The following ADPRS variants were observed in gnomAD, a reference collection of about 807,000 sequenced individuals.
The protein encoded by ADPRS is ADP-ribosylhydrolase ARH3.
In ADPRS, 25 loss-of-function variants were observed where a neutral mutation model predicts 32.1. That is an observed-to-expected ratio of 0.78 (90% CI 0.57 to 1.09). The LOEUF is 1.09. Ranked by LOEUF, ADPRS falls within the 50% of genes least tolerant of loss-of-function variation. The probability of loss-of-function intolerance (pLI) is 0.00; values close to 1 mark genes in which losing one functional copy is unlikely to be tolerated. For missense variants in ADPRS, 482 were observed against 480.6 expected, an observed-to-expected ratio of 1.00 and a Z score of -0.03; for synonymous variants, 225 against 201.0, an observed-to-expected ratio of 1.12 and a Z score of -1.01.
In ADPRS at chr1:36,093,122, G is replaced by A. The variant is rs577645269; in HGVS notation, c.828G>A (p.Ser276=). 8.7e-6 allele frequency: 14 copies of A among 1,614,090 alleles called. No individual in the cohort carries two copies. The highest frequency in any genetic ancestry group is 8.0e-5 in the African/African-American group (6 of 75,062). The stretch of plus-strand genomic sequence containing the variant: ...GGAATGGCATTGCTGCCTTTGAGTC[G>A]GTACCCACCGCCATCTACTGCTTCC... The part of the protein sequence containing the change: ...ELGNGIAAFE[S]VPTAIYCFLR... Residue 276 remains serine (S), a synonymous_variant, in exon 6 of 6, where the codon TCG becomes TCA. Coordinates refer to ENST00000373178, the MANE Select transcript of ADPRS (RefSeq NM_017825.3).
Position 36,093,371 on chromosome 1 carries a change from C to T in ADPRS, c.1077C>T (p.Val359=), listed in dbSNP as rs145383937. ...TCCTGGCCCAAAGCCTGCACCGTGT[C>T]TTCCAGAAGAGTTGATGAGGGCTAC... ...TDILAQSLHR[V]FQKS is the part of the protein sequence containing the mutation. The change falls in exon 6 of 6, where the codon GTC becomes GTT. Residue 359 remains valine (V), a synonymous_variant. Coordinates refer to ENST00000373178, the MANE Select transcript of ADPRS (RefSeq NM_017825.3). The T allele has an allele frequency of 6.8e-6, 11 of 1,613,098 alleles. No homozygotes were observed. In the African/African-American group the frequency reaches 1.5e-4, roughly 22 times the overall value.
chr1:36,093,536 G>T lies in ADPRS; in HGVS notation c.*150G>T. 1.9e-6 allele frequency: 2 copies of T among 1,063,816 alleles called. No individual in the cohort carries two copies. The highest frequency in any genetic ancestry group is 1.3e-6 in the Non-Finnish European group (1 of 754,420). 65.9% of individuals were successfully genotyped at this position (1,063,816 alleles called of 1,614,324 possible). A position where few individuals can be genotyped will look rare whatever the true frequency, so the allele number is the denominator to read the frequency against. ...ACCGGTGAGGCTGGGGTCTCTGCAGGGGAGGTCACTGGAACAGCGAGCAAG... is the reference window on the plus strand; with the variant it reads ...ACCGGTGAGGCTGGGGTCTCTGCAGTGGAGGTCACTGGAACAGCGAGCAAG... On this transcript the variant is annotated 3_prime_UTR_variant, in exon 6 of 6. Transcript: ENST00000373178.
chr1:36,089,386 A>C (rs1643447089), intron 1 of ADPRS, among the ~76,000 whole-genome samples: 2 of 152,230 alleles, frequency 1.3e-5, no homozygotes, highest in Admixed American at 1.3e-4. Flanking sequence ...TCGTAAGTTG[A>C]AAATACCTGA....
At position 36,093,929 on chromosome 1, in the gene ADPRS, C is replaced by G. The variant is rs1471644866; in HGVS notation, c.*543C>G. 6.3e-6 allele frequency: 1 copy of G among 158,078 alleles called. No homozygotes were observed. Among genetic ancestry groups the G allele is most frequent in the African/African-American group, 2.4e-5 (1 of 41,508 alleles). The allele number at this position is 158,078 out of a possible 1,614,324, so 9.8% of individuals were successfully genotyped here. A position where few individuals can be genotyped will look rare whatever the true frequency, so the allele number is the denominator to read the frequency against. Reference sequence around the variant, plus strand: ...TCGCAATAAACAGTTTTTGGTAAATCTCACCACTGTTTCTTGTTTCTCCTG... The same window carrying G: ...TCGCAATAAACAGTTTTTGGTAAATGTCACCACTGTTTCTTGTTTCTCCTG... On this transcript the variant is annotated 3_prime_UTR_variant, in exon 6 of 6. Coordinates refer to ENST00000373178, the MANE Select transcript of ADPRS (RefSeq NM_017825.3).
intron 4 of ADPRS, 51 bp from the exon 5 acceptor site, chr1:36,092,371 C>T (rs577682830): frequency 7.6e-6 from 12 of 1,570,116 alleles, no homozygotes; most frequent in Admixed American, 3.4e-5. Context: ...CCCCTGCCCG[C>T]GCCACCACCC....
chr1:36,093,551 C>A lies in ADPRS; in HGVS notation c.*165C>A. The A allele has an allele frequency of 1.1e-6, 1 of 914,482 alleles. No individual in the cohort carries two copies. Among genetic ancestry groups the A allele is most frequent in the Non-Finnish European group, 1.6e-6 (1 of 622,364 alleles). 56.6% of individuals were successfully genotyped at this position (914,482 alleles called of 1,614,324 possible). ...GTCTCTGCAGGGGAGGTCACTGGAA[C>A]AGCGAGCAAGGGACTGGTGCCTCGC... On this transcript the variant is annotated 3_prime_UTR_variant, in exon 6 of 6. Coordinates refer to ENST00000373178, the MANE Select transcript of ADPRS (RefSeq NM_017825.3).
In ADPRS at chr1:36,091,339, A is replaced by C; in HGVS notation, c.307A>C (p.Arg103=). The change falls in exon 2 of 6, where the codon AGA becomes CGA. Residue 103 remains arginine (R), a splice_region_variant and synonymous_variant. Transcript: ENST00000373178. ...CTTTGACGAGGTGGACATGGCTCAC[A>C]GGTGAGGGGGATGGTCCTGGGCTGA... ...EAFDEVDMAH[R]FAQEYKKDPD... 1 of 1,613,996 alleles carries C rather than the reference A, an allele frequency of 6.2e-7. No individual in the cohort carries two copies. The highest frequency in any genetic ancestry group is 2.2e-5 in the East Asian group (1 of 44,894).
chr1:36,089,829 G>A (rs994336443), intron 1 of ADPRS, among the ~76,000 whole-genome samples: 3 of 152,170 alleles, frequency 2.0e-5, no homozygotes, highest in Admixed American at 2.0e-4. Context: ...CCAGGCGTTT[G>A]CATGCGCTGT....
At chr1:36,090,784 G>A (rs941063904) in intron 1 of ADPRS, among the ~76,000 whole-genome samples, 5 of 151,816 alleles carry the variant, frequency 3.3e-5, no homozygotes, top group South Asian at 2.1e-4. Context: ...CTGGGAGGTC[G>A]AGATGGAGTG....
chr1:36,092,993 T>C, intron 5 of ADPRS, 104 bp from the exon 6 acceptor site: 1 of 1,239,086 alleles, frequency 8.1e-7, no homozygotes, highest in Non-Finnish European at 1.1e-6. Context: ...CTGTAGAGCC[T>C]GAGATCTTAG....
At chr1:36,092,863 A>G (rs1643503818) in intron 5 of ADPRS, among the ~76,000 whole-genome samples, 1 of 152,034 alleles carries the variant, frequency 6.6e-6, no homozygotes, top group Non-Finnish European at 1.5e-5. Context: ...TGCTAACGTT[A>G]CTCCCTGTCT....
At chr1:36,089,292 C>G (rs1211166238) in intron 1 of ADPRS, among the ~76,000 whole-genome samples, 177 bp downstream of exon 1, 3 of 152,236 alleles carry the variant, frequency 2.0e-5, no homozygotes, top group Admixed American at 6.5e-5. Flanking sequence ...GATCTCCGGC[C>G]TTATAGACGT....
chr1:36,091,555 TTC>T, intron 2 of ADPRS, 61 bp from the exon 3 acceptor site: 1 of 1,471,434 alleles, frequency 6.8e-7, no homozygotes, highest in Non-Finnish European at 9.2e-7. Context: ...CCTCGATTTC[TTC>T]TCTCCCAACC....
In ADPRS at chr1:36,091,731, C is replaced by T. The variant is rs749069584; in HGVS notation, c.422C>T (p.Ala141Val). ...KCRDVFEPAR[A>V]QFNGKGSYGN... ...CGCGATGTCTTTGAGCCTGCCCGGG[C>T]CCAGTTTAACGGGAAAGGCTCCTAT... Residue 141 changes from alanine (A) to valine (V), a missense_variant, in exon 3 of 6, where the codon GCC (alanine) becomes GTC (valine). Coordinates refer to ENST00000373178, the MANE Select transcript of ADPRS (RefSeq NM_017825.3). 4 of 1,613,756 alleles carry T rather than the reference C, an allele frequency of 2.5e-6. No individual in the cohort carries two copies. In the East Asian group the frequency reaches 8.9e-5, roughly 36 times the overall value.
intron 5 of ADPRS, 110 bp downstream of exon 5, chr1:36,092,632 T>C: frequency 1.0e-6 from 1 of 987,966 alleles, no homozygotes; most frequent in East Asian, 2.5e-5. Context: ...CCTGGGCTGC[T>C]GTGACACGGA....
chr1:36,092,918 A>G (rs1384851515), intron 5 of ADPRS, among the ~76,000 whole-genome samples, 179 bp from the exon 6 acceptor site: 1 of 152,182 alleles, frequency 6.6e-6, no homozygotes, highest in Non-Finnish European at 1.5e-5. Flanking sequence ...GCGGTCCCCT[A>G]GGTAACTCTC....
Position 36,093,445 on chromosome 1 carries a change from C to T in ADPRS, c.*59C>T. 2.6e-6 allele frequency: 4 copies of T among 1,556,758 alleles called. No individual in the cohort carries two copies. The highest frequency in any genetic ancestry group is 3.5e-6 in the Non-Finnish European group (4 of 1,151,058). ...CCCTGGGACCAACTACAGCTCCAATCAGAAACCCTGCGCTTCCTTGAGTGT... is the reference window on the plus strand; with the variant it reads ...CCCTGGGACCAACTACAGCTCCAATTAGAAACCCTGCGCTTCCTTGAGTGT... On this transcript the variant is annotated 3_prime_UTR_variant, in exon 6 of 6. Transcript: ENST00000373178.
chr1:36,091,878 G>A (rs1643488878), intron 3 of ADPRS, 32 bp from the exon 4 acceptor site: 1 of 1,589,372 alleles, frequency 6.3e-7, no homozygotes, highest in Non-Finnish European at 8.6e-7. Flanking sequence ...CTGCAGCAGG[G>A]CTTCTGTGAC....
chr1:36,091,693 G>C lies in ADPRS; in HGVS notation c.384G>C (p.Leu128=), dbSNP rs138995178. 1.2e-6 allele frequency: 2 copies of C among 1,613,810 alleles called. No individual in the cohort carries two copies. The highest frequency in any genetic ancestry group is 1.7e-6 in the Non-Finnish European group (2 of 1,179,970). Residue 128 remains leucine, a synonymous_variant, in exon 3 of 6, where the codon CTG becomes CTC. Transcript: ENST00000373178. ...TAGTCACTGTCTTCAAGAAGCTCCTGAACCCCAAATGTCGCGATGTCTTTG... is the reference window on the plus strand; with the variant it reads ...TAGTCACTGTCTTCAAGAAGCTCCTCAACCCCAAATGTCGCGATGTCTTTG... The part of the protein sequence containing the change: ...AGVVTVFKKL[L]NPKCRDVFEP...
Sources: allele counts gnomAD v4.1 joint callset (sites outside exome capture counted in the v4.1 genomes callset), GRCh38; gene constraint gnomAD v4.1.1; transcripts MANE v1.5; gene names NCBI Gene and HGNC (gene_info 2026-07-23, HGNC 2026-07-21).